GALNT17: variants seen among roughly 807,000 people sequenced by gnomAD.
GALNT17 encodes polypeptide N-acetylgalactosaminyltransferase 17, also known as UDP-GalNAc:polypeptide N-acetylgalactosaminyltransferase-like 3.
In GALNT17, 29 loss-of-function variants were observed where a neutral mutation model predicts 63.7. That is an observed-to-expected ratio of 0.46 (90% CI 0.34 to 0.62). The LOEUF is 0.62. Ranked by LOEUF, GALNT17 falls within the 20% of genes least tolerant of loss-of-function variation. The pLI is 0.01. For synonymous variants in GALNT17, 305 were observed against 318.3 expected (o/e 0.96, Z 0.45); for missense variants, 603 against 799.6 (o/e 0.75, Z 2.97).
At chr7:71,580,211 G>GGATA (rs36015695) in intron 6 of GALNT17, among the ~76,000 whole-genome samples, 69,566 of 151,404 alleles carry the variant, frequency 0.46, 19,026 homozygotes, top group East Asian at 0.71. Flanking sequence ...GATGATTGAT[G>GGATA]GATAGATAGA....
intron 3 of GALNT17, among the ~76,000 whole-genome samples, chr7:71,393,485 A>G (rs1317917426): frequency 1.3e-5 from 2 of 152,236 alleles, no homozygotes; most frequent in Non-Finnish European, 2.9e-5. Context: ...TGCATAGTTA[A>G]GATCAATAGT....
intron 1 of GALNT17, among the ~76,000 whole-genome samples, chr7:71,267,756 C>T (rs933885730): frequency 5.3e-5 from 8 of 151,988 alleles, no homozygotes; most frequent in South Asian, 2.1e-4. Context: ...TACAGGTAAA[C>T]GAGTGCCATG....
chr7:71,217,145 G>GTTTTTTTTT (rs1197080765), intron 1 of GALNT17, among the ~76,000 whole-genome samples: 3 of 122,770 alleles, frequency 2.4e-5, no homozygotes, highest in Non-Finnish European at 4.9e-5. Context: ...TTCGTGTTTT[G>GTTTTTTTTT]TTTTTTTTTT....
chr7:71,596,236 C>T (rs1221446040), intron 6 of GALNT17, among the ~76,000 whole-genome samples: 2 of 152,106 alleles, frequency 1.3e-5, no homozygotes, highest in Non-Finnish European at 2.9e-5. Context: ...GACGGGGTTT[C>T]ACCATGTTGG....
At position 71,443,869 on chromosome 7, in the gene GALNT17, C is replaced by T. The variant is rs376187485; in HGVS notation, c.962+22764C>T. On this transcript the variant is annotated intron_variant, in intron 5 of 10. Transcript: ENST00000333538. Reference sequence around the variant, plus strand: ...CTTCCCGAGTGGCTGGGACTACAGGCGCCTGCCACCACCCCTCGCTAATTG... The same window carrying T: ...CTTCCCGAGTGGCTGGGACTACAGGTGCCTGCCACCACCCCTCGCTAATTG... Among the ~76,000 whole-genome samples, 281 of 152,164 alleles carry T rather than the reference C, an allele frequency of 1.8e-3. 8 individuals carry two copies. The South Asian group carries it at 0.056, about 30-fold the overall frequency.
chr7:71,335,804 A>T (rs955231645), intron 2 of GALNT17, 71 bp downstream of exon 2: 3 of 1,281,296 alleles, frequency 2.3e-6, no homozygotes, highest in Non-Finnish European at 3.1e-6. Flanking sequence ...TACGTTTGTG[A>T]TATTTTCCAC....
intron 1 of GALNT17, among the ~76,000 whole-genome samples, chr7:71,210,489 C>T (rs1789355647): frequency 6.6e-6 from 1 of 152,020 alleles, no homozygotes; most frequent in East Asian, 1.9e-4. Flanking sequence ...CTATAAAGGC[C>T]CTGTTCTTGT....
intron 1 of GALNT17, among the ~76,000 whole-genome samples, chr7:71,207,819 T>C (rs188005627): frequency 2.4e-4 from 36 of 152,294 alleles, no homozygotes; most frequent in African/African-American, 8.4e-4. Context: ...TGGAGTTCGT[T>C]GAAGGTGGTT....
chr7:71,604,659 A>G (rs1264062085), intron 6 of GALNT17, among the ~76,000 whole-genome samples: 12 of 152,210 alleles, frequency 7.9e-5, no homozygotes. Flanking sequence ...CTCAAGCTTT[A>G]ATACAATGCT....
chr7:71,642,774 G>T (rs1000106177), intron 6 of GALNT17, among the ~76,000 whole-genome samples: 2 of 152,084 alleles, frequency 1.3e-5, no homozygotes, highest in African/African-American at 2.4e-5. Context: ...GGCAGAGGTT[G>T]CAGTGAGCTG....
At chr7:71,455,506 G>GTT (rs59094741) in intron 5 of GALNT17, among the ~76,000 whole-genome samples, 4,270 of 146,884 alleles carry the variant, frequency 0.029, 86 homozygotes, top group African/African-American at 0.048. Context: ...TTTTGTTTTT[G>GTT]TTTTTTTTTT....
At chr7:71,156,254 A>G (rs774839726) in intron 1 of GALNT17, among the ~76,000 whole-genome samples, 14 of 151,716 alleles carry the variant, frequency 9.2e-5, no homozygotes, top group Non-Finnish European at 1.8e-4. Context: ...TAGCTTGAAC[A>G]CCTACCAAAG....
chr7:71,495,091 A>T (rs1584001861), intron 5 of GALNT17, among the ~76,000 whole-genome samples: 1 of 152,070 alleles, frequency 6.6e-6, no homozygotes. Context: ...GCTAACACAT[A>T]GTGAAACCCT....
chr7:71,186,794 C>A (rs2116327750), intron 1 of GALNT17, among the ~76,000 whole-genome samples: 1 of 152,328 alleles, frequency 6.6e-6, no homozygotes, highest in African/African-American at 2.4e-5. Flanking sequence ...GCTATCTGGT[C>A]ATGTACATCC....
chr7:71,132,730 C>G lies in GALNT17; in HGVS notation c.-73C>G, dbSNP rs1787704792. ...CGTCTGGTGTGTGAGGCTTGCACGGCCCCTGGCTGCCCCGCGCCTCGCCGG... is the reference window on the plus strand; with the variant it reads ...CGTCTGGTGTGTGAGGCTTGCACGGGCCCTGGCTGCCCCGCGCCTCGCCGG... On this transcript the variant is annotated 5_prime_UTR_variant, in exon 1 of 11. Coordinates refer to ENST00000333538, the MANE Select transcript of GALNT17 (RefSeq NM_022479.3). 3 of 1,314,226 alleles carry G rather than the reference C, an allele frequency of 2.3e-6. No homozygotes were observed. The highest frequency in any genetic ancestry group is 2.6e-5 in the East Asian group (1 of 38,866). The allele number at this position is 1,314,226 out of a possible 1,614,324, so 81.4% of individuals were successfully genotyped here.
At chr7:71,443,168 G>A (rs1219764182) in intron 5 of GALNT17, among the ~76,000 whole-genome samples, 4 of 152,058 alleles carry the variant, frequency 2.6e-5, no homozygotes, top group Non-Finnish European at 4.4e-5. Flanking sequence ...CAGCTTCGTC[G>A]CCAATTCAAA....
intron 5 of GALNT17, among the ~76,000 whole-genome samples, chr7:71,540,161 T>A (rs1788866421): frequency 8.1e-6 from 1 of 122,990 alleles, no homozygotes; most frequent in Non-Finnish European, 1.6e-5. Context: ...CAGGCTGGAG[T>A]GCAGTGGTGG....
intron 2 of GALNT17, among the ~76,000 whole-genome samples, chr7:71,358,759 CTTTTCTTTTCT>C (rs1222846608): frequency 3.3e-5 from 5 of 151,878 alleles, no homozygotes; most frequent in Non-Finnish European, 5.9e-5. Context: ...TTTCTTTTTT[CTTTTCTTTTCT>C]TTTTCTTTTT....
At chr7:71,249,741 CA>C (rs1790162504) in intron 1 of GALNT17, among the ~76,000 whole-genome samples, 1 of 152,146 alleles carries the variant, frequency 6.6e-6, no homozygotes, top group Non-Finnish European at 1.5e-5. Context: ...AGATACCCCC[CA>C]AAAGAGATGT....
Sources: allele counts gnomAD v4.1 joint callset (sites outside exome capture counted in the v4.1 genomes callset), GRCh38; gene constraint gnomAD v4.1.1; transcripts MANE v1.5; gene names NCBI Gene and HGNC (gene_info 2026-07-23, HGNC 2026-07-21).